JAK2: variants seen among roughly 807,000 people sequenced by gnomAD.
JAK2 encodes the protein tyrosine-protein kinase JAK2.
A neutral mutation model predicts 139.3 loss-of-function variants in JAK2; 86 were observed. The ratio of observed to expected loss-of-function variants is 0.62; its 90% CI spans 0.52 to 0.74. The LOEUF is 0.74. JAK2 is among the 30% of genes least tolerant of loss of function. JAK2 has a pLI of 0.00. For missense variants in JAK2, 1,421 were observed against 1,360.3 expected (o/e 1.04, Z -0.70); for synonymous variants, 490 against 437.7 (o/e 1.12, Z -1.49).
rs758054771 is a variant in JAK2 at position 5,080,274 on chromosome 9, A to C, written c.2177A>C (p.Asn726Thr). The change falls in exon 17 of 25, where the codon AAT becomes ACT. Residue 726 changes from asparagine (N) to threonine (T), a missense_variant. Coordinates refer to ENST00000381652, the MANE Select transcript of JAK2 (RefSeq NM_004972.4). ...TGGGTACCACCTGAATGCATTGAAA[A>C]TCCTAAAAATTTAAATTTGGCAACA... ...IPWVPPECIE[N>T]PKNLNLATDK... The C allele has an allele frequency of 1.9e-6, 3 of 1,613,644 alleles. No homozygotes were observed. In the East Asian group the frequency reaches 6.7e-5, roughly 36 times the overall value.
intron 2 of JAK2, among the ~76,000 whole-genome samples, chr9:5,007,127 G>T (rs143884468): frequency 4.0e-4 from 61 of 151,336 alleles, no homozygotes; most frequent in African/African-American, 1.4e-3. Context: ...TCTGATTTCT[G>T]CTCTTAAGTA....
intron 20 of JAK2, among the ~76,000 whole-genome samples, chr9:5,090,231 A>G (rs1480511652): frequency 1.3e-5 from 2 of 152,214 alleles, no homozygotes; most frequent in East Asian, 3.8e-4. Flanking sequence ...GTTATAGAAA[A>G]CTGAAACGCA....
chr9:5,045,638 A>G (rs1442402497), intron 5 of JAK2, among the ~76,000 whole-genome samples: 2 of 152,102 alleles, frequency 1.3e-5, no homozygotes, highest in Non-Finnish European at 2.9e-5. Flanking sequence ...TGCCTTTTCT[A>G]TGTACCTCAT....
intron 2 of JAK2, among the ~76,000 whole-genome samples, chr9:4,987,207 A>T (rs961655684): frequency 1.3e-5 from 2 of 152,142 alleles, no homozygotes; most frequent in Non-Finnish European, 2.9e-5. Context: ...GCTCTAACTG[A>T]ATATCCTGTA....
intron 22 of JAK2, chr9:5,098,068 T>C (rs972853243): frequency 6.6e-6 from 1 of 152,234 alleles, no homozygotes; most frequent in African/African-American, 2.4e-5. Context: ...TAACAATTTT[T>C]ATAATCTGAG....
chr9:5,047,330 C>T (rs1437226933), intron 5 of JAK2, among the ~76,000 whole-genome samples: 4 of 152,122 alleles, frequency 2.6e-5, no homozygotes, highest in Non-Finnish European at 5.9e-5. Flanking sequence ...GTTCTTAAGA[C>T]AGTACCTGTA....
chr9:5,101,692 C>A lies in JAK2; in HGVS notation c.3059+10781C>A, dbSNP rs952193527. ...CGAAGCTTCCAGAGGAAGGATCAGG[C>A]AGCAACATTGGCTGTTCTGCAATAT... On this transcript the variant is annotated intron_variant, in intron 22 of 24. Transcript: ENST00000381652. Among the ~76,000 whole-genome samples, 5 of 152,206 alleles carry A rather than the reference C, an allele frequency of 3.3e-5. No homozygotes were observed. In the South Asian group the frequency reaches 1.0e-3, roughly 31 times the overall value.
intron 22 of JAK2, chr9:5,098,152 T>TCCATA (rs1339728918): frequency 6.6e-6 from 1 of 152,174 alleles, no homozygotes; most frequent in African/African-American, 2.4e-5. Flanking sequence ...TTTATGGCTG[T>TCCATA]CCACCACCTT....
At chr9:5,095,361 TA>T (rs1241459278) in intron 22 of JAK2, among the ~76,000 whole-genome samples, 1 of 151,946 alleles carries the variant, frequency 6.6e-6, no homozygotes, top group African/African-American at 2.4e-5. Context: ...CCATCTTGAT[TA>T]AAAAAACAAA....
At chr9:5,103,632 G>A (rs144204570) in intron 22 of JAK2, among the ~76,000 whole-genome samples, 11 of 152,120 alleles carry the variant, frequency 7.2e-5, no homozygotes, top group African/African-American at 2.7e-4. Flanking sequence ...TTCTCAGCAC[G>A]ACATCACACT....
chr9:5,046,735 G>C (rs897970307), intron 5 of JAK2, among the ~76,000 whole-genome samples: 1 of 152,058 alleles, frequency 6.6e-6, no homozygotes, highest in African/African-American at 2.4e-5. Context: ...TCCTTTATCT[G>C]TATAGCCATT....
In JAK2 at chr9:5,120,485, C is replaced by G. The variant is rs992669762; in HGVS notation, c.3060-2519C>G. The stretch of plus-strand genomic sequence containing the variant: ...TGTTATCTATATTGTTTTTCTTGTT[C>G]GAAAAGGCTCTTTTGTTTTAAGCTA... On this transcript the variant is annotated intron_variant, in intron 22 of 24. Transcript: ENST00000381652. Among the ~76,000 whole-genome samples the G allele has an allele frequency of 4.6e-4, 70 of 152,232 alleles. 2 individuals are homozygous for G. The highest frequency in any genetic ancestry group is 3.1e-3 in the East Asian group (16 of 5,192).
intron 22 of JAK2, chr9:5,098,724 C>A (rs529731723): frequency 6.7e-6 from 1 of 149,764 alleles, no homozygotes; most frequent in Non-Finnish European, 1.5e-5. Flanking sequence ...GACAGAGTCT[C>A]GCTCTGTCGC....
chr9:5,075,361 A>T (rs1309445647), intron 14 of JAK2, among the ~76,000 whole-genome samples: 1 of 152,206 alleles, frequency 6.6e-6, no homozygotes, highest in Non-Finnish European at 1.5e-5. Context: ...ACAGCTAGAG[A>T]GGAGAAGTCA....
intron 19 of JAK2, chr9:5,085,860 A>G: frequency 1.3e-6 from 1 of 778,392 alleles, no homozygotes; most frequent in Non-Finnish European, 2.4e-6. Flanking sequence ...GTACTCAGAG[A>G]TTTCCTTAAG....
At chr9:5,021,507 T>G (rs1822427514) in intron 2 of JAK2, among the ~76,000 whole-genome samples, 1 of 152,270 alleles carries the variant, frequency 6.6e-6, no homozygotes, top group African/African-American at 2.4e-5. Flanking sequence ...GTGCTTTGTA[T>G]GTAGTAATAC....
chr9:5,034,221 G>A (rs1823390290), intron 4 of JAK2, among the ~76,000 whole-genome samples: 1 of 152,070 alleles, frequency 6.6e-6, no homozygotes, highest in African/African-American at 2.4e-5. Flanking sequence ...CCCAATACAG[G>A]AGCACCCAGA....
At chr9:5,099,025 C>G (rs1021083594) in intron 22 of JAK2, 2 of 152,072 alleles carry the variant, frequency 1.3e-5, no homozygotes, top group African/African-American at 4.8e-5. Context: ...AACCCCAACA[C>G]CAGACTTAAA....
chr9:5,064,842 C>G (rs200943926), intron 8 of JAK2, 41 bp from the exon 9 acceptor site: 4 of 1,430,050 alleles, frequency 2.8e-6, no homozygotes, highest in Non-Finnish European at 3.7e-6. Flanking sequence ...ATGGAGTTGA[C>G]TTTCTAAAAG....
Sources: gnomAD v4.1 joint callset for allele counts (sites outside exome capture counted in the v4.1 genomes callset) on GRCh38, gnomAD v4.1.1 for gene constraint, MANE v1.5 for transcripts, NCBI Gene and HGNC (gene_info 2026-07-23, HGNC 2026-07-21) for gene names.